The following PRR5L variants were observed in gnomAD, a reference collection of about 807,000 sequenced individuals.
PRR5L encodes the protein proline-rich protein 5-like.
In PRR5L, 21 loss-of-function variants were observed where a neutral mutation model predicts 36.4. The observed-to-expected ratio is 0.58, with a 90% CI of 0.41 to 0.83. The LOEUF (loss-of-function observed/expected upper bound fraction) is 0.83, where lower values mean the gene tolerates loss of function less well. Among genes scored for constraint, PRR5L ranks in the 40% least tolerant of loss-of-function variants. The probability of loss-of-function intolerance (pLI) is 0.00; values close to 1 mark genes in which losing one functional copy is unlikely to be tolerated. For synonymous variants in PRR5L, 188 were observed against 197.0 expected (o/e 0.95, Z 0.38); for missense variants, 381 against 473.3 (o/e 0.80, Z 1.81).
At chr11:36,407,854 A>G (rs1857942580) in intron 3 of PRR5L, among the ~76,000 whole-genome samples, 1 of 152,204 alleles carries the variant, frequency 6.6e-6, no homozygotes. Context: ...GTCTTTGAAA[A>G]TAGACTCTAG....
At position 36,377,643 on chromosome 11, in the gene PRR5L, TC is replaced by T. The variant is rs1857297348; in HGVS notation, c.-125-23351del. On this transcript the variant is annotated intron_variant, in intron 1 of 8. Coordinates refer to ENST00000530639, the MANE Select transcript of PRR5L (RefSeq NM_001160167.2). The surrounding 1 kb of genome is among the most constrained non-coding windows in gnomAD (Gnocchi z 5.1). ...AGGGGTTACCCCCAGTTCTACCCAG[TC>T]CCTGTCCTCGGTCACATGCTGCCGC... The T allele has an allele frequency of 6.6e-6, 1 of 152,472 alleles. No homozygotes were observed. The highest frequency in any genetic ancestry group is 2.1e-4 in the South Asian group (1 of 4,838). 9.4% of individuals were successfully genotyped at this position (152,472 alleles called of 1,614,324 possible).
chr11:36,360,002 A>C (rs994857917), intron 1 of PRR5L, among the ~76,000 whole-genome samples: 5 of 150,944 alleles, frequency 3.3e-5, no homozygotes, highest in Admixed American at 6.6e-5. Context: ...ATGCCACTGC[A>C]CTCCAGCCTG....
intron 1 of PRR5L, among the ~76,000 whole-genome samples, chr11:36,352,652 CCT>C (rs146800186): frequency 0.12 from 17,518 of 152,114 alleles, 1,034 homozygotes; most frequent in Non-Finnish European, 0.13. Context: ...CCAATTTTCC[CCT>C]GTTTCTTCTA....
intron 6 of PRR5L, among the ~76,000 whole-genome samples, chr11:36,439,270 G>T (rs770250280): frequency 6.6e-6 from 1 of 152,096 alleles, no homozygotes; most frequent in East Asian, 1.9e-4. Flanking sequence ...TGTCCAGATG[G>T]TTCTAGAATG....
chr11:36,376,249 G>C (rs1388875036), intron 1 of PRR5L: 2 of 1,242,586 alleles, frequency 1.6e-6, no homozygotes, highest in African/African-American at 1.6e-5. Flanking sequence ...TGAGTTGGGG[G>C]ACATTGGAGA....
chr11:36,353,799 A>C (rs1369277552), intron 1 of PRR5L, among the ~76,000 whole-genome samples: 4 of 151,992 alleles, frequency 2.6e-5, no homozygotes, highest in African/African-American at 9.7e-5. Context: ...CCCACCACTC[A>C]CCTCCTGCTC....
chr11:36,367,879 T>C (rs1857160589), intron 1 of PRR5L, among the ~76,000 whole-genome samples: 1 of 150,940 alleles, frequency 6.6e-6, no homozygotes, highest in Admixed American at 6.7e-5. Context: ...AATAAGGGAA[T>C]CTAATCTGGG....
chr11:36,363,166 C>T (rs978952997), intron 1 of PRR5L, among the ~76,000 whole-genome samples: 2 of 151,130 alleles, frequency 1.3e-5, no homozygotes, highest in African/African-American at 2.4e-5. Context: ...AAAGAGTGGC[C>T]GGGAATGAGG....
chr11:36,403,278 G>A lies in PRR5L; in HGVS notation c.165-20G>A. On this transcript the variant is annotated intron_variant, in intron 2 of 8. Transcript: ENST00000530639. ...AAGAAGGGAGATTCTCTAACCAGGG[G>A]TTATTCTCTTTTCCTGTAGCGTTCA... is the stretch of plus-strand genomic sequence containing the variant. 6.2e-7 allele frequency: 1 copy of A among 1,610,352 alleles called. No individual in the cohort carries two copies. Among genetic ancestry groups the A allele is most frequent in the East Asian group, 2.2e-5 (1 of 44,866 alleles).
At chr11:36,389,614 ATTTTT>A (rs368918273) in intron 1 of PRR5L, among the ~76,000 whole-genome samples, 10 of 135,002 alleles carry the variant, frequency 7.4e-5, no homozygotes, top group African/African-American at 2.3e-4. Context: ...AGCCCCATGT[ATTTTT>A]TTTTTTTTTT....
chr11:36,330,216 G>T (rs568185624), intron 1 of PRR5L, among the ~76,000 whole-genome samples: 1 of 152,254 alleles, frequency 6.6e-6, no homozygotes, highest in South Asian at 2.1e-4. Flanking sequence ...CTACTAAATT[G>T]CTGTAAGTAT....
chr11:36,389,614 A>ATTTTTTT lies in PRR5L; in HGVS notation c.-125-11372_-125-11366dup, dbSNP rs368918273. Among the ~76,000 whole-genome samples, 89 of 134,968 alleles carry ATTTTTTT rather than the reference A, an allele frequency of 6.6e-4. 2 individuals carry two copies. The highest frequency in any genetic ancestry group is 4.0e-3 in the Middle Eastern group (1 of 252). 88.5% of individuals were successfully genotyped at this position (134,968 alleles called of 152,430 possible). A position where few individuals can be genotyped will look rare whatever the true frequency, so the allele number is the denominator to read the frequency against. ...GTTTACCCATGGTGAAGCCCCATGT[A>ATTTTTTT]TTTTTTTTTTTTTTTTTGGTAGAGT... On this transcript the variant is annotated intron_variant, in intron 1 of 8. Transcript: ENST00000530639.
intron 5 of PRR5L, among the ~76,000 whole-genome samples, chr11:36,432,616 T>C (rs1166220526): frequency 6.6e-6 from 1 of 152,144 alleles, no homozygotes; most frequent in African/African-American, 2.4e-5. Context: ...AGTCTCAGCT[T>C]TTATCATTTT....
Position 36,389,130 on chromosome 11 carries a change from AC to A in PRR5L, c.-125-11864del, listed in dbSNP as rs1421372428. ...TGTTATAAAGAAGGCTGCAGTAAAA[AC>A]CCATGTTACATAAGCCACTTGACGT... On this transcript the variant is annotated intron_variant, in intron 1 of 8. Transcript: ENST00000530639. 1.9e-4 allele frequency among the ~76,000 whole-genome samples: 29 copies of A among 152,112 alleles called. No individual in the cohort carries two copies. The Middle Eastern group carries it at 0.014, about 71-fold the overall frequency.
chr11:36,412,695 T>TAG lies in PRR5L; in HGVS notation c.246-6560_246-6559insAG, dbSNP rs1229940418. 5.8e-3 allele frequency among the ~76,000 whole-genome samples: 885 copies of TAG among 152,282 alleles called. 7 individuals carry two copies. Among genetic ancestry groups the TAG allele is most frequent in the African/African-American group, 0.02 (839 of 41,546 alleles). On this transcript the variant is annotated intron_variant, in intron 3 of 8. Coordinates refer to ENST00000530639, the MANE Select transcript of PRR5L (RefSeq NM_001160167.2). ...AAGTAAGTCAGGCTACAGGGTGAAT[T>TAG]GTCCCATTGTGATTTTGGCCTAGGT...
intron 3 of PRR5L, 83 bp from the exon 4 acceptor site, chr11:36,419,172 C>G: frequency 7.7e-7 from 1 of 1,298,420 alleles, no homozygotes. Flanking sequence ...GGCCCCACCC[C>G]GTGCCACTGG....
chr11:36,426,076 G>A (rs1464847857), intron 4 of PRR5L: 1 of 152,300 alleles, frequency 6.6e-6, no homozygotes, highest in Non-Finnish European at 1.5e-5. Flanking sequence ...GGAAGGCCCA[G>A]CTGGGTGGAG....
chr11:36,440,441 C>A (rs924736182), intron 6 of PRR5L, among the ~76,000 whole-genome samples: 6 of 152,200 alleles, frequency 3.9e-5, no homozygotes, highest in Non-Finnish European at 7.4e-5. Context: ...TAACCATGGG[C>A]TTAGAAGTCC....
intron 1 of PRR5L, among the ~76,000 whole-genome samples, chr11:36,392,602 G>T (rs558118950): frequency 6.6e-6 from 1 of 152,296 alleles, no homozygotes; most frequent in South Asian, 2.1e-4. Flanking sequence ...CTGCTGTAAA[G>T]AACTACCTGA....
Sources: gnomAD v4.1 joint callset for allele counts (sites outside exome capture counted in the v4.1 genomes callset) on GRCh38, gnomAD v4.1.1 for gene constraint, Gnocchi (gnomAD v3.1) non-coding constraint, MANE v1.5 for transcripts, NCBI Gene and HGNC (gene_info 2026-07-23, HGNC 2026-07-21) for gene names.